SWT1: variants seen among roughly 807,000 people sequenced by gnomAD.
SWT1 encodes transcriptional protein SWT1.
Under a neutral mutation model 107.3 loss-of-function variants are expected in SWT1, and 33 were observed. The ratio of observed to expected loss-of-function variants is 0.31; its 90% confidence interval spans 0.23 to 0.41. The LOEUF (loss-of-function observed/expected upper bound fraction) is 0.41. Ranked by LOEUF, SWT1 falls within the 10% of genes least tolerant of loss-of-function variation. SWT1 has a pLI of 1.00. For missense variants in SWT1, 898 were observed against 1,028.9 expected, an observed-to-expected ratio of 0.87 and a Z score of 1.74; for synonymous variants, 345 against 348.3, an observed-to-expected ratio of 0.99 and a Z score of 0.11.
At chr1:185,283,818 C>T (rs1048323532) in intron 18 of SWT1, among the ~76,000 whole-genome samples, 7 of 152,108 alleles carry the variant, frequency 4.6e-5, no homozygotes, top group African/African-American at 1.7e-4. Context: ...CATTCCTTTT[C>T]GTGGCTGAAT....
At position 185,246,955 on chromosome 1, in the gene SWT1, A is replaced by G. The variant is rs533302114; in HGVS notation, c.2441+15247A>G. On this transcript the variant is annotated intron_variant, in intron 16 of 18. Coordinates refer to ENST00000367500, the MANE Select transcript of SWT1 (RefSeq NM_017673.7). ...GGGGCTAATTTTTTAAAGATCTTCT[A>G]AGATCATTTTTCTTTACATTCTATT... is the stretch of plus-strand genomic sequence containing the variant. Among the ~76,000 whole-genome samples the G allele has an allele frequency of 2.5e-4, 38 of 152,222 alleles. No homozygotes were observed. In the South Asian group the frequency reaches 7.9e-3, roughly 32 times the overall value.
intron 15 of SWT1, among the ~76,000 whole-genome samples, chr1:185,225,904 ACTAT>A (rs1660017328): frequency 6.6e-6 from 1 of 152,222 alleles, no homozygotes; most frequent in Non-Finnish European, 1.5e-5. Flanking sequence ...ATAAACATAA[ACTAT>A]CTACTGGCTT....
chr1:185,182,191 T>C, intron 7 of SWT1, 134 bp downstream of exon 7: 1 of 900,912 alleles, frequency 1.1e-6, no homozygotes, highest in Non-Finnish European at 1.6e-6. Flanking sequence ...AAGTAATAGT[T>C]TATTTTTTAG....
At chr1:185,269,954 G>C (rs1461073397) in intron 16 of SWT1, among the ~76,000 whole-genome samples, 1 of 152,124 alleles carries the variant, frequency 6.6e-6, no homozygotes, top group Admixed American at 6.5e-5. Flanking sequence ...GGGTTTATCG[G>C]GGTGTATCCC....
intron 16 of SWT1, among the ~76,000 whole-genome samples, chr1:185,233,987 A>AC (rs1313468421): frequency 1.3e-5 from 2 of 151,340 alleles, no homozygotes; most frequent in East Asian, 3.9e-4. Context: ...CTCATGATCC[A>AC]CCCCCCTCAG....
At chr1:185,185,661 C>T (rs778386734) in intron 9 of SWT1, among the ~76,000 whole-genome samples, 5 of 151,902 alleles carry the variant, frequency 3.3e-5, no homozygotes, top group South Asian at 2.1e-4. Flanking sequence ...CCATATTCAC[C>T]GTAAGATTTG....
chr1:185,236,976 A>G (rs1028075686), intron 16 of SWT1, among the ~76,000 whole-genome samples: 8 of 152,272 alleles, frequency 5.3e-5, no homozygotes, highest in Non-Finnish European at 1.2e-4. Context: ...ATCACTAGTC[A>G]TTAGAGAAAT....
At position 185,275,280 on chromosome 1, in the gene SWT1, A is replaced by G. The variant is rs576248773; in HGVS notation, c.2509-1324A>G. On this transcript the variant is annotated intron_variant, in intron 17 of 18. Coordinates refer to ENST00000367500, the MANE Select transcript of SWT1 (RefSeq NM_017673.7). ...CCCAGAATGTGTGGCTATAGTAACA[A>G]TATCAACAGCCCTTAGGAGAAGGCA... is the stretch of plus-strand genomic sequence containing the variant. Among the ~76,000 whole-genome samples, 6 of 152,098 alleles carry G rather than the reference A, an allele frequency of 3.9e-5. No homozygotes were observed. In the South Asian group the frequency reaches 1.2e-3, roughly 32 times the overall value.
intron 15 of SWT1, among the ~76,000 whole-genome samples, chr1:185,224,903 G>T (rs1285246418): frequency 6.6e-6 from 1 of 152,018 alleles, no homozygotes; most frequent in Non-Finnish European, 1.5e-5. Context: ...TGTTGTCTGT[G>T]AACAGGGATA....
chr1:185,279,252 A>T (rs1429497613), intron 18 of SWT1, among the ~76,000 whole-genome samples: 3 of 152,196 alleles, frequency 2.0e-5, no homozygotes, highest in Admixed American at 1.3e-4. Context: ...TAAAAAGCTT[A>T]TTGTAGATAC....
At chr1:185,240,421 G>A (rs1049828669) in intron 16 of SWT1, among the ~76,000 whole-genome samples, 1 of 151,966 alleles carries the variant, frequency 6.6e-6, no homozygotes, top group African/African-American at 2.4e-5. Flanking sequence ...GAAAGAGGCA[G>A]AGGGAATTTC....
At chr1:185,218,828 A>G (rs1659420988) in intron 14 of SWT1, among the ~76,000 whole-genome samples, 1 of 152,172 alleles carries the variant, frequency 6.6e-6, no homozygotes, top group Non-Finnish European at 1.5e-5. Context: ...CTGGACCTTA[A>G]TTCTCTCTTT....
At chr1:185,170,784 TC>T (rs1654983316) in intron 4 of SWT1, among the ~76,000 whole-genome samples, 1 of 152,216 alleles carries the variant, frequency 6.6e-6, no homozygotes, top group Non-Finnish European at 1.5e-5. Flanking sequence ...GAGCACTGTT[TC>T]TTTCTATAGG....
At chr1:185,189,120 A>AT (rs1656731631) in intron 9 of SWT1, among the ~76,000 whole-genome samples, 1 of 151,996 alleles carries the variant, frequency 6.6e-6, no homozygotes, top group African/African-American at 2.4e-5. Context: ...CTGGGACTAT[A>AT]TGACTACAGG....
intron 13 of SWT1, among the ~76,000 whole-genome samples, chr1:185,207,803 A>G (rs1432835483): frequency 6.6e-6 from 1 of 152,166 alleles, no homozygotes; most frequent in Non-Finnish European, 1.5e-5. Flanking sequence ...TGGGAGGCTG[A>G]GGTGGGAGGA....
chr1:185,190,522 T>C lies in SWT1; in HGVS notation c.1430-27T>C, dbSNP rs201319278. On this transcript the variant is annotated intron_variant, in intron 9 of 18. Coordinates refer to ENST00000367500, the MANE Select transcript of SWT1 (RefSeq NM_017673.7). ...TCACCCACATTTCTAGTGTACTTAC[T>C]GACTGTTGCCTTTACTAAATTTGCA... is the stretch of plus-strand genomic sequence containing the variant. The C allele has an allele frequency of 3.6e-4, 474 of 1,324,744 alleles. 3 individuals carry two copies. The African/African-American group carries it at 5.9e-3, about 16-fold the overall frequency. 82.1% of individuals were successfully genotyped at this position (1,324,744 alleles called of 1,614,324 possible).
Position 185,180,431 on chromosome 1 carries a change from T to C in SWT1, c.1007T>C (p.Ile336Thr), listed in dbSNP as rs202093257. ...TGTTGTTCCGTGTCATCTGAAAGTATCCAGGATGCAGATCAAGAGGTTATT... is the reference window on the plus strand; with the variant it reads ...TGTTGTTCCGTGTCATCTGAAAGTACCCAGGATGCAGATCAAGAGGTTATT... ...APCCSVSSES[I>T]QDADQEMQIV... Residue 336 changes from isoleucine to threonine, a missense_variant, in exon 6 of 19, where the codon ATC becomes ACC. By Grantham distance (89) the Ile-to-Thr change is moderately conservative. Coordinates refer to ENST00000367500, the MANE Select transcript of SWT1 (RefSeq NM_017673.7). 1 of 1,613,062 alleles carries C rather than the reference T, an allele frequency of 6.2e-7. No homozygotes were observed. Among genetic ancestry groups the C allele is most frequent in the Non-Finnish European group, 8.5e-7 (1 of 1,179,030 alleles).
At chr1:185,234,510 A>C (rs1660724262) in intron 16 of SWT1, among the ~76,000 whole-genome samples, 2 of 152,074 alleles carry the variant, frequency 1.3e-5, no homozygotes, top group Non-Finnish European at 2.9e-5. Context: ...GTGTCTTTGC[A>C]CATGAGATGG....
intron 10 of SWT1, among the ~76,000 whole-genome samples, chr1:185,192,938 G>A (rs967984448): frequency 2.6e-5 from 4 of 152,000 alleles, no homozygotes; most frequent in East Asian, 1.9e-4. Context: ...ATGAGCCACC[G>A]CGCCTGGCCC....
Sources: allele counts gnomAD v4.1 joint callset (sites outside exome capture counted in the v4.1 genomes callset), GRCh38; gene constraint gnomAD v4.1.1; transcripts MANE v1.5; gene names NCBI Gene and HGNC (gene_info 2026-07-23, HGNC 2026-07-21).